The following NUP214 variants were observed in gnomAD, a reference collection of about 807,000 sequenced individuals.
NUP214 encodes the protein nucleoporin 214, also known as nuclear pore complex protein Nup214.
In NUP214, 79 loss-of-function variants were observed where a neutral mutation model predicts 196.2. The observed-to-expected ratio is 0.40, with a 90% CI of 0.34 to 0.49. The LOEUF is 0.49. Ranked by LOEUF, NUP214 falls within the 20% of genes least tolerant of loss-of-function variation. The pLI, the probability that NUP214 is intolerant of heterozygous loss-of-function variation, is 0.58. For synonymous variants in NUP214, 1,020 were observed against 990.5 expected, an observed-to-expected ratio of 1.03 and a Z score of -0.56; for missense variants, 2,468 against 2,539.0, an observed-to-expected ratio of 0.97 and a Z score of 0.60.
chr9:131,202,413 TTTTGTTTG>T (rs552353985), intron 30 of NUP214, among the ~76,000 whole-genome samples: 1 of 151,864 alleles, frequency 6.6e-6, no homozygotes, highest in Non-Finnish European at 1.5e-5. Context: ...ATATATATAT[TTTTGTTTG>T]TTTGTTTGTT....
At chr9:131,157,902 T>C (rs1364194403) in intron 17 of NUP214, among the ~76,000 whole-genome samples, 5 of 152,118 alleles carry the variant, frequency 3.3e-5, no homozygotes, top group Non-Finnish European at 4.4e-5. Flanking sequence ...TGCTTTGGCC[T>C]CCCAAAGTAC....
chr9:131,214,093 A>G (rs1165179737), intron 30 of NUP214, among the ~76,000 whole-genome samples: 3 of 152,056 alleles, frequency 2.0e-5, no homozygotes, highest in Non-Finnish European at 2.9e-5. Flanking sequence ...TCTGGGCAAA[A>G]GGTTGGGGTT....
chr9:131,131,674 TTTTA>T (rs1239526408), intron 5 of NUP214, among the ~76,000 whole-genome samples: 2 of 152,184 alleles, frequency 1.3e-5, no homozygotes, highest in Non-Finnish European at 2.9e-5. Context: ...TGCCTTAATT[TTTTA>T]TTTATTTATT....
At chr9:131,170,181 A>G (rs756534307) in intron 21 of NUP214, among the ~76,000 whole-genome samples, 11 of 152,184 alleles carry the variant, frequency 7.2e-5, no homozygotes, top group Non-Finnish European at 1.5e-4. Context: ...TTTTACCACA[A>G]TAAAAAAATA....
At chr9:131,226,054 G>A (rs543150962) in intron 32 of NUP214, among the ~76,000 whole-genome samples, 2 of 152,182 alleles carry the variant, frequency 1.3e-5, no homozygotes, top group South Asian at 2.1e-4. Flanking sequence ...CGTTTGAGTC[G>A]CACAGACCTT....
chr9:131,183,097 A>AC (rs1280093851), intron 24 of NUP214, among the ~76,000 whole-genome samples: 1 of 151,530 alleles, frequency 6.6e-6, no homozygotes, highest in Non-Finnish European at 1.5e-5. Flanking sequence ...CCTCCCCACT[A>AC]CCCCCCAGAT....
intron 9 of NUP214, chr9:131,136,959 A>G (rs549501628): frequency 1.3e-5 from 2 of 152,356 alleles, no homozygotes; most frequent in South Asian, 4.1e-4. Context: ...CCACCCATAC[A>G]TAGGTACTTT....
In NUP214 at chr9:131,233,981, T is replaced by G. The variant is rs540383615; in HGVS notation, c.*494T>G. On this transcript the variant is annotated 3_prime_UTR_variant, in exon 36 of 36. Coordinates refer to ENST00000359428, the MANE Select transcript of NUP214 (RefSeq NM_005085.4). ...TCCTTGTTCTTTTAGCCATTGTGTATCAGGACCATCCAAGGACGCACTCTG... is the reference window on the plus strand; with the variant it reads ...TCCTTGTTCTTTTAGCCATTGTGTAGCAGGACCATCCAAGGACGCACTCTG... 3.3e-6 allele frequency: 1 copy of G among 301,696 alleles called. No homozygotes were observed. Among genetic ancestry groups the G allele is most frequent in the Admixed American group, 4.8e-5 (1 of 21,044 alleles). The allele number at this position is 301,696 out of a possible 1,614,324, so 18.7% of individuals were successfully genotyped here.
chr9:131,206,045 A>C (rs1389459164), intron 30 of NUP214, among the ~76,000 whole-genome samples: 1 of 151,998 alleles, frequency 6.6e-6, no homozygotes, highest in African/African-American at 2.4e-5. Context: ...ATTCATAGCA[A>C]CATTGTTATA....
rs200957128 is a variant in NUP214, at chr9:131,139,322, T to C, written c.1047T>C (p.Ala349=). Residue 349 remains alanine (A), a synonymous_variant, in exon 10 of 36, where the codon GCT becomes GCC. Transcript: ENST00000359428. The part of the protein sequence containing the change: ...ESWLLEDSSR[A]ELPVTDKSDD... The stretch of plus-strand genomic sequence containing the variant: ...GGCTACTGGAGGATTCTAGTCGAGC[T>C]GAATTGCCTGTGACAGACAAGAGTG... 3.2e-6 allele frequency: 5 copies of C among 1,582,054 alleles called. No homozygotes were observed. In the East Asian group the frequency reaches 9.4e-5, roughly 30 times the overall value.
At chr9:131,223,506 A>T (rs1834621534) in intron 32 of NUP214, among the ~76,000 whole-genome samples, 1 of 151,712 alleles carries the variant, frequency 6.6e-6, no homozygotes, top group African/African-American at 2.4e-5. Flanking sequence ...TCTTGGGGAG[A>T]AAACATTGTA....
chr9:131,209,920 T>G (rs936986745), intron 30 of NUP214, among the ~76,000 whole-genome samples: 3 of 152,208 alleles, frequency 2.0e-5, no homozygotes, highest in Non-Finnish European at 2.9e-5. Flanking sequence ...TCCTCTTGCC[T>G]CCCACCTCAG....
chr9:131,187,518 T>C (rs1490397440), intron 25 of NUP214, among the ~76,000 whole-genome samples, 154 bp downstream of exon 25: 1 of 151,716 alleles, frequency 6.6e-6, no homozygotes, highest in African/African-American at 2.4e-5. Context: ...TCCTGAGTAG[T>C]TGGGATTACA....
intron 30 of NUP214, among the ~76,000 whole-genome samples, chr9:131,203,246 A>G (rs148718119): frequency 1.2e-3 from 181 of 152,238 alleles, no homozygotes; most frequent in Non-Finnish European, 2.0e-3. Context: ...TACCCAGCCA[A>G]TTTTAAGTCT....
At position 131,230,706 on chromosome 9, in the gene NUP214, C is replaced by T; in HGVS notation, c.6151C>T (p.Gln2051Ter). The change falls in exon 34 of 36, where the codon CAA becomes TAA. Residue 2051 changes from glutamine to a stop codon, truncating the protein, a stop_gained. Coordinates refer to ENST00000359428, the MANE Select transcript of NUP214 (RefSeq NM_005085.4). LOFTEE classifies it high-confidence loss of function. Reference sequence around the variant, plus strand: ...TGCCCCCACTTTCGGATCACTGTCCCAACAGACTTCTGGTTTTGGGACCCA... The same window carrying T: ...TGCCCCCACTTTCGGATCACTGTCCTAACAGACTTCTGGTTTTGGGACCCA... ...QNAPTFGSLS[Q>*]QTSGFGTQSS... is the part of the protein sequence containing the mutation. 1.2e-6 allele frequency: 2 copies of T among 1,614,094 alleles called. No homozygotes were observed. The highest frequency in any genetic ancestry group is 1.7e-6 in the Non-Finnish European group (2 of 1,180,012).
intron 24 of NUP214, among the ~76,000 whole-genome samples, chr9:131,181,040 G>T (rs1481107450): frequency 6.6e-6 from 1 of 152,200 alleles, no homozygotes; most frequent in Non-Finnish European, 1.5e-5. Flanking sequence ...GTGTGATGGA[G>T]AAAATTAAAG....
rs753395985 is a variant in NUP214, at chr9:131,174,145, A to G, written c.2984A>G (p.Glu995Gly). 2 of 1,613,836 alleles carry G rather than the reference A, an allele frequency of 1.2e-6. No homozygotes were observed. Among genetic ancestry groups the G allele is most frequent in the Non-Finnish European group, 1.7e-6 (2 of 1,179,954 alleles). ...SSTSSVSQSL[E>G]SEDARTSCKD... ...ACGTCATCTGTCTCCCAGTCTCTGGAGAGTGAAGATGCACGGACGTCCTGT... is the reference window on the plus strand; with the variant it reads ...ACGTCATCTGTCTCCCAGTCTCTGGGGAGTGAAGATGCACGGACGTCCTGT... The change falls in exon 22 of 36, where the codon GAG (glutamate) becomes GGG (glycine). Residue 995 changes from glutamate (E) to glycine (G), a missense_variant. Physicochemically the swap from Glu to Gly is moderately conservative, Grantham distance 98 (BLOSUM62 -2). Coordinates refer to ENST00000359428, the MANE Select transcript of NUP214 (RefSeq NM_005085.4).
chr9:131,135,842 A>C (rs1274753242), intron 8 of NUP214, 98 bp from the exon 9 acceptor site: 4 of 830,310 alleles, frequency 4.8e-6, no homozygotes, highest in Non-Finnish European at 8.0e-6. Flanking sequence ...TCTCTTTGAC[A>C]TGTGGAGGCA....
chr9:131,162,859 G>A, intron 18 of NUP214, 132 bp from the exon 19 acceptor site: 1 of 799,304 alleles, frequency 1.3e-6, no homozygotes, highest in Non-Finnish European at 2.0e-6. Context: ...ATTTCTTAAT[G>A]GTTCTTGTCC....
Sources: gnomAD v4.1 joint callset for allele counts (sites outside exome capture counted in the v4.1 genomes callset) on GRCh38, gnomAD v4.1.1 for gene constraint, MANE v1.5 for transcripts, NCBI Gene and HGNC (gene_info 2026-07-23, HGNC 2026-07-21) for gene names.